Variants in FBLN7 observed in about 807,000 individuals in gnomAD.
The protein encoded by FBLN7 is fibulin 7, also known as fibulin-7.
A neutral mutation model predicts 44.0 loss-of-function variants in FBLN7; 31 were observed. That is an observed-to-expected ratio of 0.70 (90% CI 0.53 to 0.95). The LOEUF is 0.95. Among genes scored for constraint, FBLN7 ranks in the 40% least tolerant of loss-of-function variants. The pLI, the probability that FBLN7 is intolerant of heterozygous loss-of-function variation, is 0.00. For synonymous variants in FBLN7, 262 were observed against 253.4 expected, an observed-to-expected ratio of 1.03 and a Z score of -0.32; for missense variants, 573 against 618.5, an observed-to-expected ratio of 0.93 and a Z score of 0.78.
chr2:112,191,464 C>T (rs529812076), downstream of FBLN7, among the ~76,000 whole-genome samples: 173 of 152,302 alleles, frequency 1.1e-3, no homozygotes, highest in Non-Finnish European at 1.7e-3. Context: ...GCATAGCCAC[C>T]GCGCCTGGCC....
intron 2 of FBLN7, among the ~76,000 whole-genome samples, chr2:112,161,086 T>C (rs902027560): frequency 4.6e-5 from 7 of 152,178 alleles, no homozygotes; most frequent in African/African-American, 1.4e-4. Flanking sequence ...ACAAGGGCAC[T>C]TTTTCATGCT....
At chr2:112,202,298 A>G in the FBLN7 span, among the ~76,000 whole-genome samples, 2 of 152,182 alleles carry the variant, frequency 1.3e-5, no homozygotes, top group African/African-American at 2.4e-5. Flanking sequence ...ATGCCAGGCA[A>G]GGAAAGGTGA....
the FBLN7 span, among the ~76,000 whole-genome samples, chr2:112,207,039 C>A: frequency 6.6e-6 from 1 of 152,174 alleles, no homozygotes; most frequent in Non-Finnish European, 1.5e-5. Context: ...AGCTTTCTTA[C>A]TGATTTTTAA....
At chr2:112,182,090 C>A in intron 5 of FBLN7, 1 of 605,994 alleles carries the variant, frequency 1.7e-6, no homozygotes, top group Non-Finnish European at 2.7e-6. Flanking sequence ...GCCTCAGAAC[C>A]TGGTCCAGCC....
At chr2:112,223,078 G>A in the FBLN7 span, among the ~76,000 whole-genome samples, 2 of 151,870 alleles carry the variant, frequency 1.3e-5, no homozygotes, top group African/African-American at 4.8e-5. Flanking sequence ...TTGGACACAG[G>A]GTGGGGAACA....
the FBLN7 span, among the ~76,000 whole-genome samples, chr2:112,202,156 T>C: frequency 6.6e-6 from 1 of 152,132 alleles, no homozygotes; most frequent in African/African-American, 2.4e-5. Flanking sequence ...ATTTGGAGCA[T>C]GGAGTAAAGG....
intron 6 of FBLN7, 123 bp from the exon 7 acceptor site, chr2:112,185,078 A>T: frequency 1.5e-6 from 2 of 1,326,080 alleles, no homozygotes; most frequent in Non-Finnish European, 2.0e-6. Context: ...TTTCTGCTTT[A>T]AGAATAAGTG....
the FBLN7 span, among the ~76,000 whole-genome samples, chr2:112,207,448 CAG>C: frequency 7.6e-6 from 1 of 131,138 alleles, no homozygotes; most frequent in Admixed American, 8.8e-5. Flanking sequence ...GCTGGGGCGA[CAG>C]AGAGACTCCA....
the FBLN7 span, among the ~76,000 whole-genome samples, chr2:112,240,935 A>T: frequency 6.6e-6 from 1 of 150,636 alleles, no homozygotes; most frequent in African/African-American, 2.4e-5. Flanking sequence ...AACCTCCAAA[A>T]TTAAAGTACA....
intron 1 of FBLN7, among the ~76,000 whole-genome samples, chr2:112,154,754 G>A (rs564150669): frequency 6.6e-6 from 1 of 152,310 alleles, no homozygotes; most frequent in Non-Finnish European, 1.5e-5. Context: ...TTCCATGCAT[G>A]GCTCAGAGCA....
chr2:112,198,381 A>T, the FBLN7 span, among the ~76,000 whole-genome samples: 1 of 152,314 alleles, frequency 6.6e-6, no homozygotes, highest in South Asian at 2.1e-4. Flanking sequence ...TCATGCCTAT[A>T]ATCCCAGCAC....
At chr2:112,148,726 A>G (rs1681001720) in intron 1 of FBLN7, among the ~76,000 whole-genome samples, 1 of 152,172 alleles carries the variant, frequency 6.6e-6, no homozygotes, top group Non-Finnish European at 1.5e-5. Context: ...GAGGCCTCTC[A>G]TCCTCCAGGA....
At chr2:112,160,824 G>GCACACACACACA (rs1558880626) in intron 2 of FBLN7, among the ~76,000 whole-genome samples, 1 of 137,710 alleles carries the variant, frequency 7.3e-6, no homozygotes, top group Non-Finnish European at 1.6e-5. Flanking sequence ...GCACACACAA[G>GCACACACACACA]CACGCATACA....
rs756650435 is a variant in FBLN7, at chr2:112,159,793, C to G, written c.193C>G (p.Leu65Val). The change falls in exon 2 of 8, where the codon CTG becomes GTG. Residue 65 changes from leucine to valine, a missense_variant. By Grantham distance (32) the Leu-to-Val change is conservative. Transcript: ENST00000331203. ...IRHMKSRLAALQNSVGRVGPD... is the reference protein window; with the variant it reads ...IRHMKSRLAAVQNSVGRVGPD... ...CCACATGAAGAGCCGGCTGGCCGCG[C>G]TGCAGAACTCTGTGGGCAGGGTGGG... 1 of 1,590,092 alleles carries G rather than the reference C, an allele frequency of 6.3e-7. No homozygotes were observed. Among genetic ancestry groups the G allele is most frequent in the Non-Finnish European group, 8.6e-7 (1 of 1,169,300 alleles).
At chr2:112,166,223 G>GT (rs1682150891) in intron 3 of FBLN7, among the ~76,000 whole-genome samples, 1 of 152,144 alleles carries the variant, frequency 6.6e-6, no homozygotes. Flanking sequence ...GCTAACTTTC[G>GT]TATGTTTAGT....
At chr2:112,201,170 A>T in the FBLN7 span, among the ~76,000 whole-genome samples, 7 of 152,246 alleles carry the variant, frequency 4.6e-5, no homozygotes, top group Admixed American at 4.6e-4. Flanking sequence ...AATGTGAGTG[A>T]GGCCTCTGAG....
chr2:112,179,051 CTGTT>C (rs1413860988), intron 4 of FBLN7, among the ~76,000 whole-genome samples: 2 of 152,228 alleles, frequency 1.3e-5, no homozygotes, highest in African/African-American at 4.8e-5. Flanking sequence ...CAAACTATCT[CTGTT>C]TGCAGATGAC....
the FBLN7 span, chr2:112,238,487 T>C: frequency 8.1e-6 from 13 of 1,612,216 alleles, no homozygotes; most frequent in East Asian, 2.9e-4. Flanking sequence ...TTCTTGATTT[T>C]CTATGCAGCG....
chr2:112,221,864 T>C, the FBLN7 span, among the ~76,000 whole-genome samples: 2 of 152,290 alleles, frequency 1.3e-5, no homozygotes, highest in South Asian at 4.1e-4. Context: ...ATTTGTAACA[T>C]TTCAGCCATT....
Sources: gnomAD v4.1 joint callset for allele counts (sites outside exome capture counted in the v4.1 genomes callset) on GRCh38, gnomAD v4.1.1 for gene constraint, MANE v1.5 for transcripts, NCBI Gene and HGNC (gene_info 2026-07-23, HGNC 2026-07-21) for gene names.